Variants in KITLG observed in about 807,000 individuals in gnomAD.
KITLG encodes KIT ligand.
Under a neutral mutation model 34.1 loss-of-function variants are expected in KITLG, and 13 were observed. The ratio of observed to expected loss-of-function variants is 0.38; its 90% CI spans 0.25 to 0.61. The LOEUF (loss-of-function observed/expected upper bound fraction) is 0.61. KITLG is among the 20% of genes least tolerant of loss of function. KITLG has a pLI of 0.60. For synonymous variants in KITLG, 110 were observed against 104.0 expected, an observed-to-expected ratio of 1.06 and a Z score of -0.35; for missense variants, 292 against 318.9, an observed-to-expected ratio of 0.92 and a Z score of 0.64.
At chr12:88,518,647 G>A in intron 4 of KITLG, 50 bp downstream of exon 4, 2 of 1,443,148 alleles carry the variant, frequency 1.4e-6, no homozygotes, top group East Asian at 4.6e-5. Flanking sequence ...AAGAAGCATG[G>A]GTTTTTAGAG....
chr12:88,574,885 A>G (rs1871779549), intron 1 of KITLG, among the ~76,000 whole-genome samples: 1 of 152,240 alleles, frequency 6.6e-6, no homozygotes, highest in Non-Finnish European at 1.5e-5. Context: ...TTGCTAAAAC[A>G]GGAAAGTGTA....
chr12:88,519,561 A>G (rs1296361311), intron 3 of KITLG, among the ~76,000 whole-genome samples: 1 of 152,140 alleles, frequency 6.6e-6, no homozygotes, highest in Non-Finnish European at 1.5e-5. Context: ...TTATTTCTCT[A>G]TTTACCAGCA....
At chr12:88,532,295 C>A (rs4842477) in intron 3 of KITLG, 146 bp downstream of exon 3, 3 of 657,914 alleles carry the variant, frequency 4.6e-6, no homozygotes, top group Non-Finnish European at 2.6e-6. Flanking sequence ...GAAAAAAAAG[C>A]CTGCAAGTCA....
At chr12:88,510,867 C>A (rs1466558913) in intron 6 of KITLG, among the ~76,000 whole-genome samples, 2 of 152,122 alleles carry the variant, frequency 1.3e-5, no homozygotes, top group African/African-American at 4.8e-5. Context: ...AGTCTTACCC[C>A]CTTTGTGCTA....
chr12:88,545,843 T>A lies in KITLG; in HGVS notation c.38A>T (p.Tyr13Phe). 5 of 1,610,322 alleles carry A rather than the reference T, an allele frequency of 3.1e-6. No homozygotes were observed. Among genetic ancestry groups the A allele is most frequent in the Non-Finnish European group, 4.2e-6 (5 of 1,176,686 alleles). Residue 13 changes from tyrosine to phenylalanine, a missense_variant, in exon 2 of 10, where the codon TAT becomes TTT. Transcript: ENST00000644744. Reference sequence around the variant, plus strand: ...AGGATTAAATAGGAGCAGCTGAAGATAAATGCAAGTGAGAATCCAAGTCTA... The same window carrying A: ...AGGATTAAATAGGAGCAGCTGAAGAAAAATGCAAGTGAGAATCCAAGTCTA... ...KTQTWILTCI[Y>F]LQLLLFNPLV...
intron 5 of KITLG, 46 bp from the exon 6 acceptor site, chr12:88,515,663 T>G (rs1240075338): frequency 5.0e-6 from 7 of 1,406,134 alleles, no homozygotes; most frequent in Non-Finnish European, 6.0e-6. Context: ...GTGATTTGTA[T>G]GAGTTATAGA....
Position 88,494,379 on chromosome 12 carries a change from C to T in KITLG, c.*2840G>A, listed in dbSNP as rs1345538237. The T allele has an allele frequency of 1.3e-5, 2 of 152,080 alleles. No homozygotes were observed. Among genetic ancestry groups the T allele is most frequent in the Non-Finnish European group, 2.9e-5 (2 of 67,836 alleles). The allele number at this position is 152,080 out of a possible 1,614,324, so 9.4% of individuals were successfully genotyped here. On this transcript the variant is annotated 3_prime_UTR_variant, in exon 10 of 10. Coordinates refer to ENST00000644744, the MANE Select transcript of KITLG (RefSeq NM_000899.5). ...CTTTAGTTGAATTAGAGTAGGAAAA[C>T]GTGCCCCAAAGTTTCTCCAAAGTAC...
At chr12:88,560,990 A>AG (rs1218654723) in intron 1 of KITLG, among the ~76,000 whole-genome samples, 1 of 150,298 alleles carries the variant, frequency 6.7e-6, no homozygotes, top group African/African-American at 2.4e-5. Flanking sequence ...AAAAAAAAAA[A>AG]AAAGAAAGAA....
intron 1 of KITLG, among the ~76,000 whole-genome samples, chr12:88,569,374 T>C (rs1165148070): frequency 7.9e-5 from 12 of 152,208 alleles, no homozygotes; most frequent in Admixed American, 7.9e-4. Flanking sequence ...AATTTGAGGC[T>C]GGAGTTACTT....
intron 5 of KITLG, 57 bp downstream of exon 5, chr12:88,516,277 T>C (rs536950867): frequency 1.3e-5 from 18 of 1,436,026 alleles, no homozygotes; most frequent in East Asian, 6.9e-5. Flanking sequence ...TCTTACTACA[T>C]AGGGAAGATT....
At chr12:88,548,222 G>A (rs537464306) in intron 1 of KITLG, among the ~76,000 whole-genome samples, 47 of 152,232 alleles carry the variant, frequency 3.1e-4, no homozygotes, top group African/African-American at 9.6e-4. Flanking sequence ...TTAGGAGGCC[G>A]AGGTGGGCGG....
intron 2 of KITLG, among the ~76,000 whole-genome samples, chr12:88,535,382 T>C (rs1870271774): frequency 6.6e-6 from 1 of 152,128 alleles, no homozygotes; most frequent in Admixed American, 6.6e-5. Context: ...TTAAAACAAG[T>C]TTTCATATAC....
At chr12:88,554,185 G>A (rs754964011) in intron 1 of KITLG, among the ~76,000 whole-genome samples, 1 of 152,122 alleles carries the variant, frequency 6.6e-6, no homozygotes, top group Non-Finnish European at 1.5e-5. Context: ...AAATTAAAAT[G>A]CATGCAGCCT....
chr12:88,580,202 C>A, intron 1 of KITLG, 62 bp downstream of exon 1: 2 of 1,560,516 alleles, frequency 1.3e-6, no homozygotes, highest in East Asian at 2.4e-5. Flanking sequence ...GCCGGCTTCC[C>A]CGGGGCACCG....
chr12:88,544,282 G>A (rs931772419), intron 2 of KITLG, among the ~76,000 whole-genome samples: 4 of 152,158 alleles, frequency 2.6e-5, no homozygotes, highest in South Asian at 2.1e-4. Flanking sequence ...CTCAGATCCC[G>A]CTGACATATT....
intron 1 of KITLG, among the ~76,000 whole-genome samples, chr12:88,572,595 T>TTTTATATA (rs1555258294): frequency 2.2e-5 from 3 of 134,930 alleles, no homozygotes; most frequent in African/African-American, 5.4e-5. Flanking sequence ...ATATACATTA[T>TTTTATATA]TATATATATA....
chr12:88,576,342 C>T (rs952762551), intron 1 of KITLG, among the ~76,000 whole-genome samples: 6 of 152,050 alleles, frequency 3.9e-5, no homozygotes, highest in East Asian at 1.9e-4. Flanking sequence ...AATCGACAGA[C>T]GTAGATTTAG....
At chr12:88,546,715 A>C (rs1425256108) in intron 1 of KITLG, among the ~76,000 whole-genome samples, 1 of 152,222 alleles carries the variant, frequency 6.6e-6, no homozygotes, top group African/African-American at 2.4e-5. Context: ...ATCAGTGGTC[A>C]AGGTAAAAAT....
chr12:88,512,065 T>C (rs759277576), intron 6 of KITLG, among the ~76,000 whole-genome samples: 3 of 152,122 alleles, frequency 2.0e-5, no homozygotes, highest in Non-Finnish European at 4.4e-5. Flanking sequence ...AAGAAGTCAA[T>C]AGACATCAAC....
Sources: gnomAD v4.1 joint callset for allele counts (sites outside exome capture counted in the v4.1 genomes callset) on GRCh38, gnomAD v4.1.1 for gene constraint, MANE v1.5 for transcripts, NCBI Gene and HGNC (gene_info 2026-07-23, HGNC 2026-07-21) for gene names.